The following CLNS1A variants were observed in gnomAD, a reference collection of about 807,000 sequenced individuals.
CLNS1A encodes chloride nucleotide-sensitive channel 1A.
Under a neutral mutation model 29.4 loss-of-function variants are expected in CLNS1A, and 16 were observed. The ratio of observed to expected loss-of-function variants is 0.54; its 90% CI spans 0.37 to 0.83. The LOEUF (loss-of-function observed/expected upper bound fraction) is 0.83. Among genes scored for constraint, CLNS1A ranks in the 40% least tolerant of loss-of-function variants. The pLI is 0.00. For synonymous variants in CLNS1A, 96 were observed against 104.8 expected, an observed-to-expected ratio of 0.92 and a Z score of 0.51; for missense variants, 235 against 287.4, an observed-to-expected ratio of 0.82 and a Z score of 1.32.
In CLNS1A at chr11:77,637,770, C is replaced by A; in HGVS notation, c.-56G>T. 16 of 1,502,930 alleles carry A rather than the reference C, an allele frequency of 1.1e-5. No individual in the cohort carries two copies. Among genetic ancestry groups the A allele is most frequent in the Non-Finnish European group, 1.4e-5 (16 of 1,120,442 alleles). The allele number at this position is 1,502,930 out of a possible 1,614,324, so 93.1% of individuals were successfully genotyped here. On this transcript the variant is annotated 5_prime_UTR_variant, in exon 1 of 7. Coordinates refer to ENST00000525428, the MANE Select transcript of CLNS1A (RefSeq NM_001293.3). ...GGGAGTTGGAGCACAGCAATGCGTG[C>A]ACCACACCGCCCGCCCTGGAAGAGG... is the stretch of plus-strand genomic sequence containing the variant.
chr11:77,630,818 T>C lies in CLNS1A; in HGVS notation c.126-919A>G, dbSNP rs971056343. Among the ~76,000 whole-genome samples the C allele has an allele frequency of 5.3e-5, 8 of 152,316 alleles. 1 individual carries two copies. In the South Asian group the frequency reaches 1.5e-3, roughly 28 times the overall value. On this transcript the variant is annotated intron_variant, in intron 1 of 6. Coordinates refer to ENST00000525428, the MANE Select transcript of CLNS1A (RefSeq NM_001293.3). ...AAAAATGTTAATGCAATATAGTGGT[T>C]GCCTAGGGCTAGAAGGAAATAGGGA...
chr11:77,625,154 A>C, intron 3 of CLNS1A, 84 bp from the exon 4 acceptor site: 1 of 894,262 alleles, frequency 1.1e-6, no homozygotes. Flanking sequence ...GGGTACACAA[A>C]ACGCCACAGT....
chr11:77,622,176 A>G (rs1958964759), intron 5 of CLNS1A: 1 of 427,284 alleles, frequency 2.3e-6, no homozygotes, highest in South Asian at 1.7e-5. Context: ...TAATAGCCCT[A>G]GCAAACTAAT....
Position 77,625,819 on chromosome 11 carries a change from C to A in CLNS1A, c.263-1G>T, listed in dbSNP as rs1959012590. The A allele has an allele frequency of 6.4e-7, 1 of 1,561,652 alleles. No individual in the cohort carries two copies. Among genetic ancestry groups the A allele is most frequent in the East Asian group, 2.2e-5 (1 of 44,612 alleles). On this transcript the variant is annotated splice_acceptor_variant, in intron 2 of 6. Transcript: ENST00000525428. LOFTEE classifies it high-confidence loss of function. ...TCAGCAACAGGTTCTTTTGATTCTTCTAGAAAATAAAATACCCTTTTAATG... is the reference window on the plus strand; with the variant it reads ...TCAGCAACAGGTTCTTTTGATTCTTATAGAAAATAAAATACCCTTTTAATG...
At chr11:77,634,825 C>T (rs1246302111) in intron 1 of CLNS1A, among the ~76,000 whole-genome samples, 1 of 151,812 alleles carries the variant, frequency 6.6e-6, no homozygotes, top group Non-Finnish European at 1.5e-5. Flanking sequence ...GACAAGGTTT[C>T]ACTCTGTCAC....
intron 5 of CLNS1A, 48 bp downstream of exon 5, chr11:77,622,452 A>G: frequency 1.4e-6 from 2 of 1,411,728 alleles, no homozygotes; most frequent in South Asian, 2.8e-5. Context: ...TCCATAACTT[A>G]TTGCCCAAGT....
intron 1 of CLNS1A, among the ~76,000 whole-genome samples, chr11:77,637,344 A>G (rs1278163413): frequency 3.3e-5 from 5 of 149,898 alleles, no homozygotes; most frequent in East Asian, 1.9e-4. Flanking sequence ...AAAAGAAAAA[A>G]AAAAAAAAAA....
At chr11:77,636,817 C>T (rs1488449336) in intron 1 of CLNS1A, among the ~76,000 whole-genome samples, 1 of 152,058 alleles carries the variant, frequency 6.6e-6, no homozygotes, top group Non-Finnish European at 1.5e-5. Context: ...AGGAAAGATT[C>T]GATGTGTCAT....
At position 77,637,612 on chromosome 11, in the gene CLNS1A, C is replaced by T. The variant is rs1959146313; in HGVS notation, c.103G>A (p.Gly35Ser). 1.2e-6 allele frequency: 2 copies of T among 1,600,040 alleles called. No homozygotes were observed. The highest frequency in any genetic ancestry group is 1.7e-5 in the Admixed American group (1 of 58,462). The part of the protein sequence containing the change: ...AVLNGKGLGT[G>S]TLYIAESRLS... Reference sequence around the variant, plus strand: ...TACCTCTCAGCGATGTAAAGGGTACCAGTGCCGAGGCCCTTCCCGTTCAGC... The same window carrying T: ...TACCTCTCAGCGATGTAAAGGGTACTAGTGCCGAGGCCCTTCCCGTTCAGC... Residue 35 changes from glycine (G) to serine (S), a missense_variant, in exon 1 of 7, where the codon GGT becomes AGT. By Grantham distance (56) the Gly-to-Ser change is moderately conservative. Transcript: ENST00000525428.
At chr11:77,621,536 A>T (rs1333431446) in intron 5 of CLNS1A, among the ~76,000 whole-genome samples, 1 of 152,150 alleles carries the variant, frequency 6.6e-6, no homozygotes, top group East Asian at 1.9e-4. Flanking sequence ...CCAGCTATTC[A>T]GGAGGCTGAG....
chr11:77,619,663 C>A lies in CLNS1A; in HGVS notation c.679G>T (p.Ala227Ser). 1 of 1,614,020 alleles carries A rather than the reference C, an allele frequency of 6.2e-7. No individual in the cohort carries two copies. The highest frequency in any genetic ancestry group is 8.5e-7 in the Non-Finnish European group (1 of 1,179,918). Residue 227 changes from alanine to serine, a missense_variant, in exon 6 of 7, where the codon GCT becomes TCT. Transcript: ENST00000525428. Reference protein sequence around the residue: ...GMEVDTTPTVAGQFEDADVDH With the variant: ...GMEVDTTPTVSGQFEDADVDH ...ACATCTGCATCCTCAAACTGTCCAG[C>A]AACTGTTGGTGTGGTATCCACCTCC...
intron 5 of CLNS1A, among the ~76,000 whole-genome samples, chr11:77,620,372 C>T (rs144768425): frequency 0.013 from 1,980 of 152,328 alleles, 23 homozygotes; most frequent in Non-Finnish European, 0.019. Flanking sequence ...TCCTCGTCTT[C>T]CACCACGATT....
intron 3 of CLNS1A, 36 bp downstream of exon 3, chr11:77,625,681 G>A (rs200207982): frequency 6.3e-7 from 1 of 1,575,208 alleles, no homozygotes; most frequent in African/African-American, 1.3e-5. Context: ...TGCTTGGTAT[G>A]TAAAAGGGGA....
chr11:77,623,972 T>C (rs944161034), intron 4 of CLNS1A, among the ~76,000 whole-genome samples: 12 of 152,148 alleles, frequency 7.9e-5, no homozygotes, highest in African/African-American at 2.9e-4. Context: ...ACATGTTAAA[T>C]AAAGATGCAG....
chr11:77,636,113 C>A (rs1033056927), intron 1 of CLNS1A, among the ~76,000 whole-genome samples: 4 of 151,926 alleles, frequency 2.6e-5, no homozygotes, highest in South Asian at 2.1e-4. Flanking sequence ...CTCTGTCATG[C>A]AGGCTGGAGT....
chr11:77,635,123 T>C (rs917352703), intron 1 of CLNS1A, among the ~76,000 whole-genome samples: 1 of 152,154 alleles, frequency 6.6e-6, no homozygotes, highest in African/African-American at 2.4e-5. Flanking sequence ...TTTTAAAAGC[T>C]GATAAGAACT....
chr11:77,623,846 T>C (rs1437800424), intron 4 of CLNS1A, among the ~76,000 whole-genome samples: 2 of 152,182 alleles, frequency 1.3e-5, no homozygotes, highest in East Asian at 3.9e-4. Flanking sequence ...ATAAAGACTC[T>C]TATCACGCTA....
In CLNS1A at chr11:77,625,054, A is replaced by T. The variant is rs747798115; in HGVS notation, c.381T>A (p.Thr127=). The change falls in exon 4 of 7, where the codon ACT becomes ACA. Residue 127 remains threonine, a synonymous_variant. Coordinates refer to ENST00000525428, the MANE Select transcript of CLNS1A (RefSeq NM_001293.3). The stretch of plus-strand genomic sequence containing the variant: ...GCAAGGCCTGGCATTCGCACATTGC[A>T]GTGAACATTGCCTCCACTGAACAAG... ...SDKSALEAMF[T]AMCECQALHP... 20 of 1,612,560 alleles carry T rather than the reference A, an allele frequency of 1.2e-5. No homozygotes were observed. The highest frequency in any genetic ancestry group is 5.3e-5 in the African/African-American group (4 of 74,894).
In CLNS1A at chr11:77,625,761, T is replaced by C; in HGVS notation, c.320A>G (p.Glu107Gly). Residue 107 changes from glutamate (E) to glycine (G), a missense_variant, in exon 3 of 7, where the codon GAA becomes GGA. By Grantham distance (98) the Glu-to-Gly change is moderately conservative (BLOSUM62 -2). Transcript: ENST00000525428. ...CACAAATCTAAATTCAGTAATAGGT[T>C]CAACATCATCATCACTGTCTTCCTC... ...EEEEDSDDDVEPITEFRFVPS... is the reference protein window; with the variant it reads ...EEEEDSDDDVGPITEFRFVPS... 1 of 1,611,594 alleles carries C rather than the reference T, an allele frequency of 6.2e-7. No homozygotes were observed. Among genetic ancestry groups the C allele is most frequent in the Non-Finnish European group, 8.5e-7 (1 of 1,177,942 alleles).
Sources: gnomAD v4.1 joint callset for allele counts (sites outside exome capture counted in the v4.1 genomes callset) on GRCh38, gnomAD v4.1.1 for gene constraint, MANE v1.5 for transcripts, NCBI Gene and HGNC (gene_info 2026-07-23, HGNC 2026-07-21) for gene names.